Variants in TCF12 observed in about 807,000 individuals in gnomAD.
The protein encoded by TCF12 is DNA-binding protein HTF4.
Under a neutral mutation model 86.0 loss-of-function variants are expected in TCF12, and 45 were observed. That is an observed-to-expected ratio of 0.52 (90% CI 0.41 to 0.67). The LOEUF is 0.67. TCF12 is among the 30% of genes least tolerant of loss of function. The pLI is 0.00. For missense variants in TCF12, 881 were observed against 859.9 expected, an observed-to-expected ratio of 1.02 and a Z score of -0.31; for synonymous variants, 330 against 299.6, an observed-to-expected ratio of 1.10 and a Z score of -1.05.
intron 4 of TCF12, among the ~76,000 whole-genome samples, 178 bp downstream of exon 4, chr15:57,064,001 A>T (rs1879425270): frequency 6.6e-6 from 1 of 152,254 alleles, no homozygotes; most frequent in African/African-American, 2.4e-5. Context: ...AACTTTGGAA[A>T]TTTAATTTCC....
At chr15:57,168,451 T>G (rs981918744) in intron 6 of TCF12, among the ~76,000 whole-genome samples, 1 of 152,254 alleles carries the variant, frequency 6.6e-6, no homozygotes, top group Non-Finnish European at 1.5e-5. Context: ...CAATTTATTC[T>G]GTATAGTTTT....
chr15:57,037,726 G>A (rs574545221), intron 3 of TCF12, among the ~76,000 whole-genome samples: 1 of 152,278 alleles, frequency 6.6e-6, no homozygotes, highest in South Asian at 2.1e-4. Flanking sequence ...ATCAATTTTA[G>A]TACTGATTTC....
intron 5 of TCF12, among the ~76,000 whole-genome samples, chr15:57,115,007 A>G (rs1233245125): frequency 6.6e-6 from 1 of 152,188 alleles, no homozygotes; most frequent in Admixed American, 6.5e-5. Flanking sequence ...GCATGATAGC[A>G]GTTTTAAACA....
chr15:57,106,884 T>C (rs2050166790), intron 5 of TCF12, among the ~76,000 whole-genome samples: 1 of 152,198 alleles, frequency 6.6e-6, no homozygotes, highest in Non-Finnish European at 1.5e-5. Flanking sequence ...ACACATGTAT[T>C]AAAACAACCA....
intron 9 of TCF12, among the ~76,000 whole-genome samples, chr15:57,232,009 G>T (rs1056801577): frequency 3.3e-5 from 5 of 152,032 alleles, no homozygotes; most frequent in Non-Finnish European, 7.4e-5. Flanking sequence ...TCCCAAATTT[G>T]GAATTTTTAC....
chr15:56,936,233 G>A (rs1039549315), intron 3 of TCF12, among the ~76,000 whole-genome samples: 3 of 152,142 alleles, frequency 2.0e-5, no homozygotes, highest in South Asian at 2.1e-4. Flanking sequence ...GATCATTAGC[G>A]ATGTTGAGCA....
intron 3 of TCF12, among the ~76,000 whole-genome samples, chr15:56,950,961 G>A (rs2061245831): frequency 6.6e-6 from 1 of 151,516 alleles, no homozygotes; most frequent in African/African-American, 2.4e-5. Flanking sequence ...TCTCTATGTT[G>A]GTCAGGCTGG....
chr15:57,022,289 T>A (rs2065542176), intron 3 of TCF12, among the ~76,000 whole-genome samples: 1 of 152,114 alleles, frequency 6.6e-6, no homozygotes, highest in Non-Finnish European at 1.5e-5. Context: ...CATTGTTCAT[T>A]TCCCACCTAT....
chr15:56,977,538 C>T (rs78063242), intron 3 of TCF12, among the ~76,000 whole-genome samples: 1,664 of 150,386 alleles, frequency 0.011, 15 homozygotes, highest in African/African-American at 0.032. Context: ...TTTAAAAATT[C>T]GATATTCTGT....
intron 6 of TCF12, among the ~76,000 whole-genome samples, chr15:57,166,999 T>A (rs533290785): frequency 1.2e-4 from 19 of 152,306 alleles, no homozygotes; most frequent in African/African-American, 4.6e-4. Context: ...ATCTTTAGAC[T>A]GAGAATCCTG....
chr15:57,138,672 A>C (rs1004860171), intron 5 of TCF12, among the ~76,000 whole-genome samples: 17 of 152,334 alleles, frequency 1.1e-4, no homozygotes, highest in African/African-American at 3.6e-4. Context: ...AAAAGAGTTC[A>C]TTTGGAGACA....
At chr15:56,973,194 C>T (rs569502195) in intron 3 of TCF12, among the ~76,000 whole-genome samples, 29 of 152,094 alleles carry the variant, frequency 1.9e-4, no homozygotes, top group African/African-American at 6.0e-4. Flanking sequence ...ATCTGTCAGT[C>T]GATCAACAAT....
At chr15:57,114,459 T>G (rs2050708220) in intron 5 of TCF12, among the ~76,000 whole-genome samples, 1 of 152,032 alleles carries the variant, frequency 6.6e-6, no homozygotes, top group Non-Finnish European at 1.5e-5. Context: ...CCTAGCTAAT[T>G]TTTTTATTTT....
At chr15:56,946,072 T>C (rs2060981723) in intron 3 of TCF12, among the ~76,000 whole-genome samples, 1 of 152,204 alleles carries the variant, frequency 6.6e-6, no homozygotes, top group Non-Finnish European at 1.5e-5. Context: ...CGTACTCTGT[T>C]GTAGCAGCAT....
chr15:57,018,795 AAAGTAAAACAAAAACAAAAG>A (rs1446080159), intron 3 of TCF12, among the ~76,000 whole-genome samples: 1 of 152,226 alleles, frequency 6.6e-6, no homozygotes, highest in Non-Finnish European at 1.5e-5. Context: ...TTCTTTTCTC[AAAGTAAAACAAAAACAAAAG>A]AGAGAGATTG....
intron 3 of TCF12, among the ~76,000 whole-genome samples, chr15:56,971,021 T>G (rs2062285553): frequency 1.3e-5 from 2 of 152,178 alleles, no homozygotes; most frequent in Admixed American, 1.3e-4. Context: ...CACTCCAGTC[T>G]GGGCGACAAG....
At chr15:57,177,710 CTTAT>C (rs375477447) in intron 6 of TCF12, among the ~76,000 whole-genome samples, 8 of 142,972 alleles carry the variant, frequency 5.6e-5, no homozygotes, top group Non-Finnish European at 7.6e-5. Flanking sequence ...ATTTTATTTA[CTTAT>C]TTATTTATTT....
intron 7 of TCF12, among the ~76,000 whole-genome samples, chr15:57,193,747 G>T (rs1304365591): frequency 6.6e-6 from 1 of 152,116 alleles, no homozygotes; most frequent in African/African-American, 2.4e-5. Context: ...CCTGGTCTCT[G>T]GGTCTAGGGT....
At chr15:57,149,240 T>A (rs573662900) in intron 5 of TCF12, among the ~76,000 whole-genome samples, 1 of 152,204 alleles carries the variant, frequency 6.6e-6, no homozygotes, top group South Asian at 2.1e-4. Flanking sequence ...TGGTTATCTG[T>A]AGCATATATT....
Sources: allele counts gnomAD v4.1 joint callset (sites outside exome capture counted in the v4.1 genomes callset), GRCh38; gene constraint gnomAD v4.1.1; transcripts MANE v1.5; gene names NCBI Gene and HGNC (gene_info 2026-07-23, HGNC 2026-07-21).